The following KIF1B variants were observed in gnomAD, a reference collection of about 807,000 sequenced individuals.
KIF1B encodes kinesin-like protein KIF1B.
In KIF1B, 76 loss-of-function variants were observed where a neutral mutation model predicts 241.9. The ratio of observed to expected loss-of-function variants is 0.31; its 90% confidence interval spans 0.26 to 0.38. The LOEUF (loss-of-function observed/expected upper bound fraction) is 0.38. Ranked by LOEUF, KIF1B falls within the 10% of genes least tolerant of loss-of-function variation. The probability of loss-of-function intolerance (pLI) is 1.00; values close to 1 mark genes in which losing one functional copy is unlikely to be tolerated. For synonymous variants in KIF1B, 750 were observed against 796.7 expected (o/e 0.94, Z 0.99); for missense variants, 1,622 against 2,271.4 (o/e 0.71, Z 5.81).
chr1:10,268,133 C>T lies in KIF1B; in HGVS notation c.609-19C>T. ...TCTAAGAATTCCCTTGTCACGTGGT[C>T]ACCTTTATGTTTATTTAGGACAGTG... On this transcript the variant is annotated intron_variant, in intron 6 of 48. Coordinates refer to ENST00000676179, the MANE Select transcript of KIF1B (RefSeq NM_001365951.3). 6.4e-7 allele frequency: 1 copy of T among 1,555,500 alleles called. No homozygotes were observed. The highest frequency in any genetic ancestry group is 8.9e-7 in the Non-Finnish European group (1 of 1,127,512).
chr1:10,267,465 C>T lies in KIF1B; in HGVS notation c.515C>T (p.Pro172Leu). The T allele has an allele frequency of 6.2e-7, 1 of 1,614,162 alleles. No individual in the cohort carries two copies. Among genetic ancestry groups the T allele is most frequent in the Non-Finnish European group, 8.5e-7 (1 of 1,179,994 alleles). The change falls in exon 6 of 49, where the codon CCA (proline) becomes CTA (leucine). Residue 172 changes from proline to leucine, a missense_variant. By Grantham distance (98) the Pro-to-Leu change is moderately conservative. Coordinates refer to ENST00000676179, the MANE Select transcript of KIF1B (RefSeq NM_001365951.3). ...GGTAATTTGCGTGTGCGTGAACACC[C>T]ACTTCTTGGACCCTATGTGGAGGAT... ...NKGNLRVREH[P>L]LLGPYVEDLS... is the part of the protein sequence containing the mutation.
chr1:10,220,389 TA>T (rs1387139042), intron 1 of KIF1B, among the ~76,000 whole-genome samples: 10 of 132,098 alleles, frequency 7.6e-5, no homozygotes, highest in Non-Finnish European at 1.5e-4. Context: ...GATAGATAGA[TA>T]GATAGATGAT....
At position 10,313,310 on chromosome 1, in the gene KIF1B, G is replaced by A. The variant is rs991943109; in HGVS notation, c.2116-6733G>A. 9.9e-5 allele frequency among the ~76,000 whole-genome samples: 15 copies of A among 151,114 alleles called. 2 individuals are homozygous for A. The highest frequency in any genetic ancestry group is 3.2e-4 in the African/African-American group (13 of 40,576). On this transcript the variant is annotated intron_variant, in intron 22 of 48. Coordinates refer to ENST00000676179, the MANE Select transcript of KIF1B (RefSeq NM_001365951.3). ...TCAAACTCCCGACCTCAGGTGATCC[G>A]TCCACCTTGGCCTCCCAAAGTTCTG...
intron 15 of KIF1B, among the ~76,000 whole-genome samples, chr1:10,287,580 A>C (rs998176629): frequency 5.3e-5 from 8 of 152,198 alleles, no homozygotes; most frequent in Non-Finnish European, 1.2e-4. Flanking sequence ...ACAACCTAAA[A>C]ATTGCAGCTG....
chr1:10,267,356 T>A (rs1408777141), intron 5 of KIF1B, 24 bp from the exon 6 acceptor site: 1 of 1,610,138 alleles, frequency 6.2e-7, no homozygotes, highest in Non-Finnish European at 8.5e-7. Flanking sequence ...TTCACTCTAA[T>A]TCACTTTACT....
In KIF1B at chr1:10,348,522, T is replaced by G. The variant is rs114469934; in HGVS notation, c.3865-127T>G. The G allele has an allele frequency of 2.9e-3, 2,097 of 731,228 alleles. 10 individuals carry two copies. Among genetic ancestry groups the G allele is most frequent in the Non-Finnish European group, 4.2e-3 (1,682 of 400,478 alleles). The allele number at this position is 731,228 out of a possible 1,614,324, so 45.3% of individuals were successfully genotyped here. A position where few individuals can be genotyped will look rare whatever the true frequency, so the allele number is the denominator to read the frequency against. On this transcript the variant is annotated intron_variant, in intron 36 of 48. Coordinates refer to ENST00000676179, the MANE Select transcript of KIF1B (RefSeq NM_001365951.3). ...GTTTTGAATAACAATGTGGATAGCA[T>G]TTTCCGTCTTTCCACACCTCTCCTT...
At chr1:10,347,211 A>C (rs916291110) in intron 35 of KIF1B, among the ~76,000 whole-genome samples, 1 of 152,210 alleles carries the variant, frequency 6.6e-6, no homozygotes, top group African/African-American at 2.4e-5. Context: ...ATGTTCTCCT[A>C]TATGTAATTC....
At chr1:10,235,995 G>A (rs1209243551) in intron 2 of KIF1B, among the ~76,000 whole-genome samples, 1 of 151,456 alleles carries the variant, frequency 6.6e-6, no homozygotes, top group African/African-American at 2.4e-5. Flanking sequence ...TATTTGGGCC[G>A]GGCACGGTGG....
chr1:10,273,858 A>G (rs78200541), intron 10 of KIF1B, among the ~76,000 whole-genome samples: 2,824 of 151,488 alleles, frequency 0.019, 38 homozygotes, highest in Non-Finnish European at 0.028. Context: ...GGATTATACC[A>G]GGACTGAATT....
At chr1:10,324,286 C>A (rs1273985952) in intron 25 of KIF1B, among the ~76,000 whole-genome samples, 1 of 152,060 alleles carries the variant, frequency 6.6e-6, no homozygotes, top group East Asian at 1.9e-4. Flanking sequence ...TTAAGTTTAC[C>A]CTCCATAGAC....
At chr1:10,236,563 C>T (rs1647055160) in intron 2 of KIF1B, among the ~76,000 whole-genome samples, 1 of 152,152 alleles carries the variant, frequency 6.6e-6, no homozygotes. Context: ...TGTCCTGGCT[C>T]AGAGATTTAC....
chr1:10,324,611 G>T, intron 25 of KIF1B, 147 bp from the exon 26 acceptor site: 1 of 913,840 alleles, frequency 1.1e-6, no homozygotes. Flanking sequence ...TGTATTTTTG[G>T]GCTTCATTCT....
At chr1:10,252,846 C>T (rs887677736) in intron 2 of KIF1B, among the ~76,000 whole-genome samples, 1 of 152,036 alleles carries the variant, frequency 6.6e-6, no homozygotes, top group Non-Finnish European at 1.5e-5. Context: ...TACTTAGCCT[C>T]CCGAGTAGCT....
At chr1:10,250,078 TGA>T (rs1647353665) in intron 2 of KIF1B, among the ~76,000 whole-genome samples, 1 of 152,254 alleles carries the variant, frequency 6.6e-6, no homozygotes, top group East Asian at 1.9e-4. Context: ...CCTAAAGTGT[TGA>T]GATTACAGGC....
chr1:10,243,341 C>A (rs1647164495), intron 2 of KIF1B, among the ~76,000 whole-genome samples: 1 of 152,212 alleles, frequency 6.6e-6, no homozygotes. Context: ...AACGCTTAAA[C>A]CTGGGAGGCA....
In KIF1B at chr1:10,342,060, A is replaced by C. The variant is rs1331731391; in HGVS notation, c.3524A>C (p.Glu1175Ala). 3 of 1,597,452 alleles carry C rather than the reference A, an allele frequency of 1.9e-6. No homozygotes were observed. Among genetic ancestry groups the C allele is most frequent in the Non-Finnish European group, 2.6e-6 (3 of 1,164,936 alleles). Residue 1175 changes from glutamate to alanine, a missense_variant, in exon 33 of 49, where the codon GAG becomes GCG. Around this residue, in one of 7 missense-constraint regions of KIF1B, gnomAD observed 803 missense variants for 1,112.0 expected, o/e 0.72. Transcript: ENST00000676179. ...AFYHVQNIAV[E>A]ITESFVDYIK... is the part of the protein sequence containing the mutation. ...CTTGCTTGGCTTTAGATTGCAGTGG[A>C]GATCACTGAATCATTTGTGGATTAC...
intron 22 of KIF1B, chr1:10,306,683 C>T (rs569309633): frequency 1.0e-5 from 8 of 790,446 alleles, no homozygotes; most frequent in Middle Eastern, 5.8e-4. Context: ...AACTCCCAGG[C>T]TGATCAGTAA....
At chr1:10,368,417 T>C in intron 43 of KIF1B, 50 bp from the exon 44 acceptor site, 2 of 1,528,138 alleles carry the variant, frequency 1.3e-6, no homozygotes, top group Admixed American at 3.3e-5. Context: ...CCAAGGCTCC[T>C]GGCTGTTGAC....
Position 10,381,315 on chromosome 1 carries a change from C to CT in KIF1B, c.*4731dup. On this transcript the variant is annotated 3_prime_UTR_variant, in exon 49 of 49. Coordinates refer to ENST00000676179, the MANE Select transcript of KIF1B (RefSeq NM_001365951.3). ...CATAAGTGGCCTTTTTGAACCAAGA[C>CT]TTTGCAAACTGATCTCTCCCCCGTG... The CT allele has an allele frequency of 4.4e-6, 1 of 226,804 alleles. No individual in the cohort carries two copies. Among genetic ancestry groups the CT allele is most frequent in the East Asian group, 6.4e-5 (1 of 15,632 alleles). The allele number at this position is 226,804 out of a possible 1,614,324, so 14.0% of individuals were successfully genotyped here. A position where few individuals can be genotyped will look rare whatever the true frequency, so the allele number is the denominator to read the frequency against.
Sources: gnomAD v4.1 joint callset for allele counts (sites outside exome capture counted in the v4.1 genomes callset) on GRCh38, gnomAD v4.1.1 for gene constraint, gnomAD v4.1.1 regional missense constraint, MANE v1.5 for transcripts, NCBI Gene and HGNC (gene_info 2026-07-23, HGNC 2026-07-21) for gene names.